Variants in CCDC178 observed in about 807,000 individuals in gnomAD.
The protein encoded by CCDC178 is coiled-coil domain-containing protein 178.
In CCDC178, 126 loss-of-function variants were observed where a neutral mutation model predicts 117.4. The ratio of observed to expected loss-of-function variants is 1.07; its 90% CI spans 0.93 to 1.24. The LOEUF (loss-of-function observed/expected upper bound fraction) is 1.24. Ranked by LOEUF, CCDC178 falls within the 50% of genes most tolerant of loss-of-function variation. The pLI, the probability that CCDC178 is intolerant of heterozygous loss-of-function variation, is 0.00. For synonymous variants in CCDC178, 283 were observed against 313.4 expected, an observed-to-expected ratio of 0.90 and a Z score of 1.02; for missense variants, 1,030 against 986.9, an observed-to-expected ratio of 1.04 and a Z score of -0.59.
At chr18:33,265,458 G>A (rs1476447347) in intron 14 of CCDC178, among the ~76,000 whole-genome samples, 3 of 152,012 alleles carry the variant, frequency 2.0e-5, no homozygotes, top group Non-Finnish European at 4.4e-5. Context: ...GAATTTCACA[G>A]GATAGTCAGC....
intron 21 of CCDC178, among the ~76,000 whole-genome samples, chr18:33,040,592 A>C (rs1433335698): frequency 6.6e-6 from 1 of 152,012 alleles, no homozygotes; most frequent in Admixed American, 6.6e-5. Flanking sequence ...TCCTTTATAG[A>C]TAAAGAAAAT....
intron 21 of CCDC178, among the ~76,000 whole-genome samples, chr18:33,009,744 A>G (rs1399329985): frequency 6.6e-6 from 1 of 152,152 alleles, no homozygotes; most frequent in African/African-American, 2.4e-5. Context: ...ATCGTAATGC[A>G]AACATCTAAA....
At chr18:33,399,319 G>C (rs1340324797) in intron 3 of CCDC178, among the ~76,000 whole-genome samples, 1 of 152,238 alleles carries the variant, frequency 6.6e-6, no homozygotes, top group Non-Finnish European at 1.5e-5. Context: ...GGTTGCTGAA[G>C]GTTGGAGTGT....
chr18:33,336,293 G>T (rs2144641516), intron 9 of CCDC178, among the ~76,000 whole-genome samples: 1 of 152,096 alleles, frequency 6.6e-6, no homozygotes, highest in South Asian at 2.1e-4. Context: ...CTCTGGGTGA[G>T]ACTTAAGCTT....
Position 33,047,928 on chromosome 18 carries a change from T to C in CCDC178, c.2388+44833A>G, listed in dbSNP as rs79865150. Among the ~76,000 whole-genome samples, 221 of 152,302 alleles carry C rather than the reference T, an allele frequency of 1.5e-3. 2 individuals carry two copies. The highest frequency in any genetic ancestry group is 2.3e-3 in the Non-Finnish European group (156 of 68,018). The stretch of plus-strand genomic sequence containing the variant: ...GGAAGGTCAAAGTTTGTAAGAAGTA[T>C]AGATTGCCTGGATAAGCAGTTTAAT... On this transcript the variant is annotated intron_variant, in intron 21 of 22. Transcript: ENST00000383096.
chr18:33,015,533 C>T (rs569184464), intron 21 of CCDC178, among the ~76,000 whole-genome samples: 104 of 152,104 alleles, frequency 6.8e-4, no homozygotes, highest in African/African-American at 2.3e-3. Flanking sequence ...CCACTGCACT[C>T]TAGCCTGAGA....
chr18:33,335,512 A>G (rs2062727576), intron 9 of CCDC178, among the ~76,000 whole-genome samples: 1 of 151,864 alleles, frequency 6.6e-6, no homozygotes, highest in Non-Finnish European at 1.5e-5. Flanking sequence ...CTCTCATTCT[A>G]TATGCCATGT....
At chr18:33,400,622 C>G (rs1218497196) in intron 3 of CCDC178, among the ~76,000 whole-genome samples, 1 of 152,172 alleles carries the variant, frequency 6.6e-6, no homozygotes, top group East Asian at 1.9e-4. Flanking sequence ...CTTTATAGAA[C>G]TGAATAGAGT....
intron 20 of CCDC178, 97 bp downstream of exon 20, chr18:33,211,799 C>G: frequency 1.1e-6 from 1 of 927,996 alleles, no homozygotes; most frequent in Non-Finnish European, 1.6e-6. Flanking sequence ...AATCTTAACA[C>G]CCTTGCTACT....
intron 3 of CCDC178, among the ~76,000 whole-genome samples, chr18:33,403,920 G>A (rs531776857): frequency 1.3e-5 from 2 of 152,062 alleles, no homozygotes; most frequent in Admixed American, 6.5e-5. Context: ...TACTCCTTTC[G>A]ACTTCTAGAA....
chr18:33,154,638 A>T (rs1008613285), intron 20 of CCDC178, among the ~76,000 whole-genome samples: 3 of 152,188 alleles, frequency 2.0e-5, no homozygotes, highest in Non-Finnish European at 4.4e-5. Context: ...AATTTACTGC[A>T]TGTCACCTAT....
chr18:33,389,631 T>C lies in CCDC178; in HGVS notation c.119-2A>G. ...CCAAACTTTGAGACATGGCATTGCC[T>C]TTTAAAAAGAAAAAATACATATTTT... is the stretch of plus-strand genomic sequence containing the variant. On this transcript the variant is annotated splice_acceptor_variant, in intron 4 of 22. Coordinates refer to ENST00000383096, the MANE Select transcript of CCDC178 (RefSeq NM_001105528.4). LOFTEE classifies it high-confidence loss of function. 1 of 1,447,864 alleles carries C rather than the reference T, an allele frequency of 6.9e-7. No homozygotes were observed. The highest frequency in any genetic ancestry group is 9.2e-7 in the Non-Finnish European group (1 of 1,086,644). The allele number at this position is 1,447,864 out of a possible 1,614,324, so 89.7% of individuals were successfully genotyped here. A position where few individuals can be genotyped will look rare whatever the true frequency, so the allele number is the denominator to read the frequency against.
At position 33,284,145 on chromosome 18, in the gene CCDC178, AAC is replaced by A. The variant is rs148665924; in HGVS notation, c.1176+9012_1176+9013del. The stretch of plus-strand genomic sequence containing the variant: ...TGGAGGCCATCAGCCTTTGCAAACT[AAC>A]ACAGGAACAGAAAACCAAATGCCGC... On this transcript the variant is annotated intron_variant, in intron 12 of 22. Transcript: ENST00000383096. Among the ~76,000 whole-genome samples the A allele has an allele frequency of 5.9e-3, 906 of 152,338 alleles. 6 individuals carry two copies. The highest frequency in any genetic ancestry group is 0.034 in the Middle Eastern group (10 of 294).
At chr18:33,249,325 G>C (rs2059589259) in intron 14 of CCDC178, among the ~76,000 whole-genome samples, 1 of 152,070 alleles carries the variant, frequency 6.6e-6, no homozygotes, top group Non-Finnish European at 1.5e-5. Flanking sequence ...TGGTGTTTTA[G>C]ACATGAAGTC....
intron 20 of CCDC178, among the ~76,000 whole-genome samples, chr18:33,135,353 AT>A (rs1226152079): frequency 2.6e-5 from 4 of 152,152 alleles, no homozygotes; most frequent in Non-Finnish European, 2.9e-5. Context: ...ACACAAAAAA[AT>A]AATGTATTTT....
intron 18 of CCDC178, among the ~76,000 whole-genome samples, chr18:33,221,978 C>T (rs913480653): frequency 6.6e-6 from 1 of 151,816 alleles, no homozygotes; most frequent in Non-Finnish European, 1.5e-5. Flanking sequence ...TTATATGATA[C>T]AATATTAATA....
chr18:33,248,441 C>G (rs1190163271), intron 14 of CCDC178, among the ~76,000 whole-genome samples: 2 of 148,426 alleles, frequency 1.3e-5, no homozygotes, highest in African/African-American at 5.0e-5. Context: ...CCAACAGGCC[C>G]CAGTGTATGA....
At chr18:33,336,268 T>C (rs2062739206) in intron 9 of CCDC178, among the ~76,000 whole-genome samples, 1 of 152,092 alleles carries the variant, frequency 6.6e-6, no homozygotes, top group Non-Finnish European at 1.5e-5. Context: ...TCCTGATCTC[T>C]AATTAGACTT....
intron 20 of CCDC178, among the ~76,000 whole-genome samples, chr18:33,099,155 G>A (rs894275609): frequency 6.6e-6 from 1 of 151,980 alleles, no homozygotes; most frequent in East Asian, 1.9e-4. Context: ...TAAATGTTCT[G>A]CTGTCTTTTG....
Sources: allele counts gnomAD v4.1 joint callset (sites outside exome capture counted in the v4.1 genomes callset), GRCh38; gene constraint gnomAD v4.1.1; transcripts MANE v1.5; gene names NCBI Gene and HGNC (gene_info 2026-07-23, HGNC 2026-07-21).